EYS: variants seen among roughly 807,000 people sequenced by gnomAD.
EYS encodes protein eyes shut homolog.
A neutral mutation model predicts 282.1 loss-of-function variants in EYS; 250 were observed. The observed-to-expected ratio is 0.89, with a 90% confidence interval of 0.80 to 0.98. The LOEUF (loss-of-function observed/expected upper bound fraction) is 0.98. EYS is among the 50% of genes least tolerant of loss of function. EYS has a pLI of 0.00. For missense variants in EYS, 4,016 were observed against 3,709.0 expected, an observed-to-expected ratio of 1.08 and a Z score of -2.15; for synonymous variants, 1,355 against 1,282.9, an observed-to-expected ratio of 1.06 and a Z score of -1.20.
intron 41 of EYS, among the ~76,000 whole-genome samples, chr6:63,747,159 C>G (rs971711641): frequency 6.6e-6 from 1 of 152,092 alleles, no homozygotes; most frequent in Non-Finnish European, 1.5e-5. Context: ...TTTGTTCTCA[C>G]TGGTTTCAAA....
At chr6:64,726,938 T>C (rs896069208) in intron 22 of EYS, among the ~76,000 whole-genome samples, 3 of 151,938 alleles carry the variant, frequency 2.0e-5, no homozygotes, top group African/African-American at 4.8e-5. Flanking sequence ...CAGAGAAAAA[T>C]TGCAACTGAG....
chr6:65,266,987 T>TAGAGAG (rs1243652825), intron 12 of EYS, among the ~76,000 whole-genome samples: 21 of 119,582 alleles, frequency 1.8e-4, no homozygotes, highest in African/African-American at 5.1e-4. Context: ...CATATATATA[T>TAGAGAG]ATAGAGAGAG....
At chr6:64,647,431 G>T (rs1768393911) in intron 22 of EYS, among the ~76,000 whole-genome samples, 1 of 152,038 alleles carries the variant, frequency 6.6e-6, no homozygotes, top group Admixed American at 6.6e-5. Context: ...TCTTAATACA[G>T]GTAACTTTGT....
In EYS at chr6:65,152,319, C is replaced by G. The variant is rs1764632474; in HGVS notation, c.2024-94592G>C. 2.0e-5 allele frequency among the ~76,000 whole-genome samples: 3 copies of G among 152,004 alleles called. No individual in the cohort carries two copies. The South Asian group carries it at 6.2e-4, about 32-fold the overall frequency. On this transcript the variant is annotated intron_variant, in intron 12 of 42. Coordinates refer to ENST00000503581, the MANE Select transcript of EYS (RefSeq NM_001142800.2). ...TTATGAGAGGAATTTTGTCCACCAC[C>G]CTAAAGATCCCAGTGTTGAAGCTCT...
chr6:64,346,810 T>A (rs960549778), intron 29 of EYS, among the ~76,000 whole-genome samples: 2 of 151,508 alleles, frequency 1.3e-5, no homozygotes, highest in African/African-American at 2.4e-5. Flanking sequence ...GTAAGAAACA[T>A]GAAATATGTA....
intron 22 of EYS, among the ~76,000 whole-genome samples, chr6:64,781,664 G>A (rs540493143): frequency 1.3e-5 from 2 of 151,864 alleles, no homozygotes; most frequent in South Asian, 2.1e-4. Context: ...GCCCTTGGGC[G>A]TCATGTTGAC....
intron 11 of EYS, among the ~76,000 whole-genome samples, chr6:65,317,893 A>C (rs552573510): frequency 8.8e-6 from 1 of 113,094 alleles, no homozygotes; most frequent in African/African-American, 3.5e-5. Flanking sequence ...TTTCAGACAG[A>C]GTCTCCCTCT....
At chr6:65,587,381 T>C (rs1023079657) in intron 2 of EYS, among the ~76,000 whole-genome samples, 1 of 152,090 alleles carries the variant, frequency 6.6e-6, no homozygotes. Flanking sequence ...TGGGAGGTAA[T>C]TGAATCGTGG....
intron 35 of EYS, among the ~76,000 whole-genome samples, chr6:63,933,527 G>A (rs1009744480): frequency 5.9e-5 from 9 of 152,122 alleles, no homozygotes; most frequent in Non-Finnish European, 1.3e-4. Flanking sequence ...TTTTATGGTG[G>A]CTTCATTATG....
At chr6:64,485,775 G>A (rs1407015679) in intron 26 of EYS, among the ~76,000 whole-genome samples, 1 of 151,372 alleles carries the variant, frequency 6.6e-6, no homozygotes, top group Non-Finnish European at 1.5e-5. Flanking sequence ...ACTTCAGATG[G>A]ACTGAATTTC....
At chr6:65,481,953 G>A (rs1191200436) in intron 5 of EYS, among the ~76,000 whole-genome samples, 1 of 152,078 alleles carries the variant, frequency 6.6e-6, no homozygotes, top group East Asian at 1.9e-4. Flanking sequence ...TCATCACAAT[G>A]GAAGAAATTA....
chr6:64,161,610 C>T (rs888767798), intron 31 of EYS, among the ~76,000 whole-genome samples: 1 of 151,920 alleles, frequency 6.6e-6, no homozygotes. Context: ...TTTTTTATGC[C>T]AGCAAACACT....
intron 31 of EYS, among the ~76,000 whole-genome samples, chr6:64,222,458 A>C (rs1272717183): frequency 1.3e-5 from 2 of 152,022 alleles, no homozygotes; most frequent in Non-Finnish European, 2.9e-5. Context: ...GGTTCACATT[A>C]GCCCTTGTTT....
chr6:64,563,979 TG>T, intron 26 of EYS, among the ~76,000 whole-genome samples: 1 of 152,014 alleles, frequency 6.6e-6, no homozygotes, highest in East Asian at 1.9e-4. Flanking sequence ...TATCTCAATA[TG>T]GATTCAACAT....
chr6:65,132,664 A>T (rs144649261), intron 12 of EYS, among the ~76,000 whole-genome samples: 16 of 152,032 alleles, frequency 1.1e-4, no homozygotes, highest in African/African-American at 3.9e-4. Flanking sequence ...CAAGGATGCC[A>T]TCTCTTACCG....
intron 33 of EYS, among the ~76,000 whole-genome samples, chr6:64,056,537 A>C (rs1770991280): frequency 6.6e-6 from 1 of 152,168 alleles, no homozygotes; most frequent in African/African-American, 2.4e-5. Flanking sequence ...TGTTTCTATT[A>C]CTTTCCCTGA....
At chr6:64,870,563 T>C (rs532816542) in intron 19 of EYS, among the ~76,000 whole-genome samples, 116 of 151,676 alleles carry the variant, frequency 7.6e-4, no homozygotes, top group Middle Eastern at 3.4e-3. Flanking sequence ...AGATGGCCCA[T>C]TGAAATGGAA....
At chr6:64,829,370 G>A (rs1562213823) in intron 19 of EYS, among the ~76,000 whole-genome samples, 1 of 151,944 alleles carries the variant, frequency 6.6e-6, no homozygotes, top group African/African-American at 2.4e-5. Flanking sequence ...CCAAGAATTA[G>A]TTAGGTACTG....
intron 32 of EYS, among the ~76,000 whole-genome samples, chr6:64,069,346 A>G (rs922163566): frequency 1.3e-5 from 2 of 151,986 alleles, no homozygotes; most frequent in African/African-American, 4.8e-5. Flanking sequence ...GAATTTTCAG[A>G]TATTTATTTG....
Sources: allele counts gnomAD v4.1 joint callset (sites outside exome capture counted in the v4.1 genomes callset), GRCh38; gene constraint gnomAD v4.1.1; transcripts MANE v1.5; gene names NCBI Gene and HGNC (gene_info 2026-07-23, HGNC 2026-07-21).